The following UBR1 variants were observed in gnomAD, a reference collection of about 807,000 sequenced individuals.
The protein encoded by UBR1 is ubiquitin protein ligase E3 component n-recognin 1.
Under a neutral mutation model 242.1 loss-of-function variants are expected in UBR1, and 102 were observed. The observed-to-expected ratio is 0.42, with a 90% CI of 0.36 to 0.50. The LOEUF (loss-of-function observed/expected upper bound fraction) is 0.50. Among genes scored for constraint, UBR1 ranks in the 20% least tolerant of loss-of-function variants. The pLI is 0.01. For synonymous variants in UBR1, 675 were observed against 684.8 expected (o/e 0.99, Z 0.22); for missense variants, 1,772 against 2,101.8 (o/e 0.84, Z 3.07).
intron 6 of UBR1, among the ~76,000 whole-genome samples, chr15:43,065,573 C>T (rs971126950): frequency 5.9e-5 from 9 of 152,150 alleles, no homozygotes; most frequent in Admixed American, 1.3e-4. Context: ...GTGTTCTCAT[C>T]ATTCAGCTCC....
chr15:43,058,710 C>T (rs979824829), intron 9 of UBR1, among the ~76,000 whole-genome samples: 2 of 152,046 alleles, frequency 1.3e-5, no homozygotes, highest in African/African-American at 4.8e-5. Flanking sequence ...TGTACTTTTC[C>T]TTCTCCATGC....
intron 29 of UBR1, among the ~76,000 whole-genome samples, chr15:43,014,136 G>A (rs1046478051): frequency 3.1e-4 from 47 of 152,366 alleles, no homozygotes; most frequent in African/African-American, 1.1e-3. Flanking sequence ...CGCCAGCCTC[G>A]GCCTCCCGAG....
intron 1 of UBR1, among the ~76,000 whole-genome samples, chr15:43,104,283 T>C (rs2034271303): frequency 6.6e-6 from 1 of 152,156 alleles, no homozygotes; most frequent in Admixed American, 6.5e-5. Context: ...TATTGTATTA[T>C]CTGGAAAAAA....
intron 15 of UBR1, among the ~76,000 whole-genome samples, chr15:43,038,984 A>G (rs536218737): frequency 9.1e-4 from 138 of 151,674 alleles, no homozygotes; most frequent in African/African-American, 3.2e-3. Flanking sequence ...ACTTTTAACA[A>G]AAATTTTTAT....
intron 37 of UBR1, among the ~76,000 whole-genome samples, chr15:42,979,602 G>A (rs1167613153): frequency 6.6e-6 from 1 of 152,130 alleles, no homozygotes; most frequent in Non-Finnish European, 1.5e-5. Context: ...CCAGGCTGGA[G>A]TACAGTGGTG....
intron 15 of UBR1, among the ~76,000 whole-genome samples, chr15:43,039,503 G>A (rs2033388167): frequency 6.6e-6 from 1 of 152,152 alleles, no homozygotes; most frequent in South Asian, 2.1e-4. Flanking sequence ...GTATAAGAAT[G>A]CTTGTGATTT....
chr15:43,089,867 A>T (rs2034087387), intron 1 of UBR1, among the ~76,000 whole-genome samples: 1 of 152,230 alleles, frequency 6.6e-6, no homozygotes. Context: ...AAGGTCATGA[A>T]AACAAGGAAA....
intron 3 of UBR1, among the ~76,000 whole-genome samples, chr15:43,081,790 A>T (rs1567147068): frequency 6.6e-6 from 1 of 152,114 alleles, no homozygotes; most frequent in Non-Finnish European, 1.5e-5. Flanking sequence ...TTAAAAATCC[A>T]TATTTTTTAA....
chr15:43,030,169 T>G (rs1010270900), intron 20 of UBR1, 101 bp from the exon 21 acceptor site: 1 of 1,347,824 alleles, frequency 7.4e-7, no homozygotes, highest in African/African-American at 1.5e-5. Context: ...TGCATTAAAT[T>G]AAATCTGTGA....
chr15:43,079,291 C>T (rs72721524), intron 3 of UBR1, among the ~76,000 whole-genome samples: 4,656 of 152,066 alleles, frequency 0.031, 92 homozygotes, highest in Non-Finnish European at 0.044. Flanking sequence ...CACAGTGAAA[C>T]CTCGTCTCGG....
At chr15:43,079,636 G>T (rs545116761) in intron 3 of UBR1, among the ~76,000 whole-genome samples, 1 of 152,108 alleles carries the variant, frequency 6.6e-6, no homozygotes, top group Non-Finnish European at 1.5e-5. Flanking sequence ...AAAAAAATTA[G>T]CCGGGTATGG....
intron 9 of UBR1, 26 bp downstream of exon 9, chr15:43,059,059 A>C: frequency 6.3e-7 from 1 of 1,577,084 alleles, no homozygotes; most frequent in Non-Finnish European, 8.7e-7. Flanking sequence ...CTTCCTGACA[A>C]ACAGCATAAG....
chr15:43,085,911 ACT>A (rs1567148370), intron 2 of UBR1, 71 bp downstream of exon 2: 3 of 1,460,614 alleles, frequency 2.1e-6, no homozygotes, highest in African/African-American at 2.9e-5. Context: ...ACACAGCAAG[ACT>A]CTGTTTCAAA....
Position 42,962,861 on chromosome 15 carries a change from T to A in UBR1, c.4700+1074A>T, listed in dbSNP as rs140420000. Among the ~76,000 whole-genome samples, 3 of 152,024 alleles carry A rather than the reference T, an allele frequency of 2.0e-5. No individual in the cohort carries two copies. In the East Asian group the frequency reaches 5.8e-4, roughly 29 times the overall value. On this transcript the variant is annotated intron_variant, in intron 42 of 46. Transcript: ENST00000290650. ...CTTCCCCTCCCACTGGCTGAACCCA[T>A]GCAGAAGTCAGCTGACAAGGTAGAC...
intron 1 of UBR1, among the ~76,000 whole-genome samples, chr15:43,102,678 C>T (rs2141374144): frequency 6.6e-6 from 1 of 152,202 alleles, no homozygotes; most frequent in Middle Eastern, 3.4e-3. Context: ...CCCAATAAAC[C>T]ACCCTCTCAA....
chr15:42,957,585 AT>A (rs34604979), intron 44 of UBR1, among the ~76,000 whole-genome samples: 1 of 152,144 alleles, frequency 6.6e-6, no homozygotes, highest in Non-Finnish European at 1.5e-5. Context: ...AAAAAAGGAA[AT>A]TTGTGGCCAG....
chr15:43,025,181 C>T (rs1384876343), intron 24 of UBR1, among the ~76,000 whole-genome samples, 198 bp from the exon 25 acceptor site: 1 of 152,136 alleles, frequency 6.6e-6, no homozygotes, highest in Admixed American at 6.5e-5. Context: ...CCAAAATGAA[C>T]TACATTTGTT....
chr15:43,070,900 T>C lies in UBR1; in HGVS notation c.554A>G (p.Glu185Gly). Reference protein sequence around the residue: ...KENSRCPLNEEVIVQARKIFP... With the variant: ...KENSRCPLNEGVIVQARKIFP... ...TATTTTCCTGGCTTGGACAATTACC[T>C]CTTCATTCAACGGACAGCGTGAATT... The change falls in exon 5 of 47, where the codon GAG becomes GGG. Residue 185 changes from glutamate to glycine, a missense_variant. Glu to Gly is a moderately conservative substitution (Grantham distance 98, BLOSUM62 -2). This residue lies in a region of UBR1 where 734 missense variants were observed against 893.3 expected (regional missense o/e 0.82). Transcript: ENST00000290650. The C allele has an allele frequency of 6.2e-7, 1 of 1,613,662 alleles. No homozygotes were observed. The highest frequency in any genetic ancestry group is 8.5e-7 in the Non-Finnish European group (1 of 1,179,984).
At chr15:42,954,541 G>A (rs1206626940) in intron 44 of UBR1, among the ~76,000 whole-genome samples, 1 of 152,040 alleles carries the variant, frequency 6.6e-6, no homozygotes, top group Non-Finnish European at 1.5e-5. Flanking sequence ...TTCTCAGAGC[G>A]AGTCAAAGAG....
Sources: gnomAD v4.1 joint callset for allele counts (sites outside exome capture counted in the v4.1 genomes callset) on GRCh38, gnomAD v4.1.1 for gene constraint, gnomAD v4.1.1 regional missense constraint, MANE v1.5 for transcripts, NCBI Gene and HGNC (gene_info 2026-07-23, HGNC 2026-07-21) for gene names.